TEX15: variants seen among roughly 807,000 people sequenced by gnomAD.
The protein encoded by TEX15 is testis-expressed protein 15.
A neutral mutation model predicts 237.3 loss-of-function variants in TEX15; 171 were observed. That is an observed-to-expected ratio of 0.72 (90% CI 0.64 to 0.82). The LOEUF (loss-of-function observed/expected upper bound fraction) is 0.82, where lower values mean the gene tolerates loss of function less well. Ranked by LOEUF, TEX15 falls within the 40% of genes least tolerant of loss-of-function variation. The pLI, the probability that TEX15 is intolerant of heterozygous loss-of-function variation, is 0.00. For missense variants in TEX15, 3,750 were observed against 3,646.5 expected (o/e 1.03, Z -0.73); for synonymous variants, 1,338 against 1,269.8 (o/e 1.05, Z -1.14).
rs1410546180 is a variant in TEX15 at position 30,845,823 on chromosome 8, T to G, written c.4344A>C (p.Ser1448=). ...TTCTCCGTTTGTCATATTTTCTTTTTGACGAAAAATGCTTAGTAGAATAAT... is the reference window on the plus strand; with the variant it reads ...TTCTCCGTTTGTCATATTTTCTTTTGGACGAAAAATGCTTAGTAGAATAAT... ...RKYYSTKHFS[S]KRKYDKRRKK... The change falls in exon 8 of 11, where the codon TCA becomes TCC. Residue 1448 remains serine (S), a synonymous_variant. Transcript: ENST00000643185. 1 of 1,607,640 alleles carries G rather than the reference T, an allele frequency of 6.2e-7. No homozygotes were observed. Among genetic ancestry groups the G allele is most frequent in the African/African-American group, 1.3e-5 (1 of 74,338 alleles).
At chr8:30,858,915 G>T in intron 6 of TEX15, 85 bp from the exon 7 acceptor site, 3 of 936,228 alleles carry the variant, frequency 3.2e-6, no homozygotes, top group Non-Finnish European at 3.0e-6. Flanking sequence ...CAATATAATT[G>T]CATATTATTT....
At chr8:30,852,103 T>C (rs999501947) in intron 7 of TEX15, among the ~76,000 whole-genome samples, 2 of 106,402 alleles carry the variant, frequency 1.9e-5, no homozygotes, top group South Asian at 7.3e-4. Context: ...ATTTAATCTT[T>C]TTTTTTTTTT....
In TEX15 at chr8:30,848,041, A is replaced by G; in HGVS notation, c.2126T>C (p.Leu709Ser). 5.6e-6 allele frequency: 9 copies of G among 1,613,952 alleles called. No individual in the cohort carries two copies. Among genetic ancestry groups the G allele is most frequent in the Non-Finnish European group, 7.6e-6 (9 of 1,179,962 alleles). Residue 709 changes from leucine to serine, a missense_variant, in exon 8 of 11, where the codon TTG (leucine) becomes TCG (serine). By Grantham distance (145) the Leu-to-Ser change is moderately radical. Transcript: ENST00000643185. ...AAAACTTGGAGTAATTTGCCATTCC[A>G]ATGCTAGATGATCTAGTTCATCCTT... ...KDKDELDHLA[L>S]EWQITPSFES...
At position 30,846,377 on chromosome 8, in the gene TEX15, C is replaced by A; in HGVS notation, c.3790G>T (p.Glu1264Ter). 6.2e-7 allele frequency: 1 copy of A among 1,613,320 alleles called. No individual in the cohort carries two copies. The highest frequency in any genetic ancestry group is 8.5e-7 in the Non-Finnish European group (1 of 1,179,686). ...TCTATTGTTGTGACATTAGAAGGTT[C>A]AGTAAACAAAGATTCACTGTTCTGA... ...ENQNSESLFTEPSNVTTIDDG... is the reference protein window; with the variant it reads ...ENQNSESLFT Residue 1264 changes from glutamate (E) to a stop codon, truncating the protein, a stop_gained, in exon 8 of 11, where the codon GAA (glutamate) becomes TAA (stop). Transcript: ENST00000643185. LOFTEE classifies it high-confidence loss of function.
chr8:30,880,730 T>C (rs73570250), intron 3 of TEX15, among the ~76,000 whole-genome samples: 43 of 151,958 alleles, frequency 2.8e-4, no homozygotes, highest in African/African-American at 8.9e-4. Flanking sequence ...CAGTAGGCTA[T>C]TTGTGTTAAA....
chr8:30,909,794 G>A (rs1809181710), intron 1 of TEX15, among the ~76,000 whole-genome samples: 1 of 152,060 alleles, frequency 6.6e-6, no homozygotes, highest in Admixed American at 6.5e-5. Context: ...GTTCCTCTTT[G>A]ATAAAGATAA....
chr8:30,836,238 C>T (rs112473256), intron 10 of TEX15, among the ~76,000 whole-genome samples: 896 of 59,436 alleles, frequency 0.015, 31 homozygotes, highest in African/African-American at 0.055. Flanking sequence ...TTTTTGAGGT[C>T]GAGTCTCGTT....
chr8:30,861,095 ACATG>A (rs377331499), intron 5 of TEX15, among the ~76,000 whole-genome samples: 140 of 152,278 alleles, frequency 9.2e-4, no homozygotes, highest in African/African-American at 3.3e-3. Context: ...GTAAGCTCCA[ACATG>A]TATTAAAAAT....
At chr8:30,875,140 T>C (rs941051096) in intron 3 of TEX15, 38 bp from the exon 4 acceptor site, 11 of 1,196,588 alleles carry the variant, frequency 9.2e-6, no homozygotes, top group Non-Finnish European at 1.0e-5. Flanking sequence ...GTATTTAAAA[T>C]GACATTATTG....
rs1563233784 is a variant in TEX15, at chr8:30,843,605, C to G, written c.6562G>C (p.Asp2188His). The change falls in exon 8 of 11, where the codon GAT becomes CAT. Residue 2188 changes from aspartate to histidine, a missense_variant. Asp to His is a moderately conservative substitution (Grantham distance 81). Transcript: ENST00000643185. ...GTAAATGGAACAGAAAGAGAAAAAT[C>G]AAAGCAATCGGAACAATGCTCCATT... ...AIMEHCSDCF[D>H]FSLSVPFTCG... The G allele has an allele frequency of 1.2e-6, 2 of 1,612,854 alleles. No individual in the cohort carries two copies. Among genetic ancestry groups the G allele is most frequent in the Non-Finnish European group, 1.7e-6 (2 of 1,179,688 alleles).
intron 1 of TEX15, among the ~76,000 whole-genome samples, chr8:30,911,365 T>C (rs1809215341): frequency 6.6e-6 from 1 of 152,192 alleles, no homozygotes; most frequent in South Asian, 2.1e-4. Context: ...TTGCCCAGGC[T>C]GGTTTCGAAC....
chr8:30,850,608 T>C (rs1381604731), intron 7 of TEX15, among the ~76,000 whole-genome samples: 3 of 152,146 alleles, frequency 2.0e-5, no homozygotes, highest in African/African-American at 2.4e-5. Context: ...TGAAGAGATG[T>C]AGTTCTTTAG....
rs142102250 is a variant in TEX15 at position 30,879,479 on chromosome 8, T to A, written c.137-4377A>T. 2.6e-4 allele frequency among the ~76,000 whole-genome samples: 40 copies of A among 152,356 alleles called. 1 individual carries two copies. The East Asian group carries it at 7.7e-3, about 29-fold the overall frequency. ...CATGAGGTTAGGGTGAAGTTCATTT[T>A]TTTGGTCTCTGGATGTCCAATTGCT... is the stretch of plus-strand genomic sequence containing the variant. On this transcript the variant is annotated intron_variant, in intron 3 of 10. Coordinates refer to ENST00000643185, the MANE Select transcript of TEX15 (RefSeq NM_001350162.2).
Position 30,837,421 on chromosome 8 carries a change from G to A in TEX15, c.8863C>T (p.Gln2955Ter), listed in dbSNP as rs1807331359. 6.2e-7 allele frequency: 1 copy of A among 1,614,152 alleles called. No individual in the cohort carries two copies. Among genetic ancestry groups the A allele is most frequent in the Non-Finnish European group, 8.5e-7 (1 of 1,180,004 alleles). Reference protein sequence around the residue: ...KIPTLQINKLQPTETESEDKY... With the variant: ...KIPTLQINKL ...TCCTCTGACTCAGTTTCTGTAGGCT[G>A]TAGTTTGTTTATCTGCAGAGTAGGA... The change falls in exon 10 of 11, where the codon CAG becomes TAG. Residue 2955 changes from glutamine to a stop codon, truncating the protein, a stop_gained. Transcript: ENST00000643185. LOFTEE classifies it high-confidence loss of function.
chr8:30,845,954 CTACTT>C lies in TEX15; in HGVS notation c.4208_4212del (p.Lys1403ArgfsTer18), dbSNP rs1807593908. 3 of 1,612,850 alleles carry C rather than the reference CTACTT, an allele frequency of 1.9e-6. No individual in the cohort carries two copies. The East Asian group carries it at 6.7e-5, about 36-fold the overall frequency. On this transcript the variant is annotated frameshift_variant, in exon 8 of 11. Coordinates refer to ENST00000643185, the MANE Select transcript of TEX15 (RefSeq NM_001350162.2). LOFTEE classifies it high-confidence loss of function. Reference sequence around the variant, plus strand: ...GGTAATGGGCCCTTTCTTTCTTCTCCTACTTTAGTTATAAGCTGCAAAGATGTGTG... The same window carrying C: ...GGTAATGGGCCCTTTCTTTCTTCTCCTAGTTATAAGCTGCAAAGATGTGTG...
At chr8:30,884,980 T>C (rs955932947) in intron 3 of TEX15, among the ~76,000 whole-genome samples, 4 of 152,238 alleles carry the variant, frequency 2.6e-5, no homozygotes, top group Admixed American at 2.6e-4. Flanking sequence ...AATTTCTTTC[T>C]AAGTACTGCT....
chr8:30,889,852 A>G (rs1808745676), intron 2 of TEX15, among the ~76,000 whole-genome samples: 2 of 150,244 alleles, frequency 1.3e-5, no homozygotes, highest in Admixed American at 6.7e-5. Context: ...TATAACCTTT[A>G]TATTTATATG....
In TEX15 at chr8:30,848,977, A is replaced by G; in HGVS notation, c.1190T>C (p.Leu397Ser). The G allele has an allele frequency of 6.2e-7, 1 of 1,614,182 alleles. No homozygotes were observed. Among genetic ancestry groups the G allele is most frequent in the Non-Finnish European group, 8.5e-7 (1 of 1,180,030 alleles). The change falls in exon 8 of 11, where the codon TTG (leucine) becomes TCG (serine). Residue 397 changes from leucine to serine, a missense_variant. Transcript: ENST00000643185. ...ATTTTTAAGACTTGTCCAATTTAAC[A>G]AAAGGTCACCATTAACACTGTCTTT... is the stretch of plus-strand genomic sequence containing the variant. ...DAKDSVNGDL[L>S]LNWTSLKNIL...
In TEX15 at chr8:30,836,981, C is replaced by T. The variant is rs142941425; in HGVS notation, c.9303G>A (p.Ala3101=). Residue 3101 remains alanine, a synonymous_variant, in exon 10 of 11, where the codon GCG becomes GCA. Transcript: ENST00000643185. The part of the protein sequence containing the change: ...LLYSQYFTYF[A]GEPQANGFVP... ...CAAAGCCATTTGCTTGTGGCTCCCC[C>T]GCAAAATAAGTAAAATATTGAGAGT... 205 of 1,613,952 alleles carry T rather than the reference C, an allele frequency of 1.3e-4. 1 individual carries two copies. The highest frequency in any genetic ancestry group is 1.5e-4 in the Non-Finnish European group (179 of 1,180,034).
Sources: allele counts gnomAD v4.1 joint callset (sites outside exome capture counted in the v4.1 genomes callset), GRCh38; gene constraint gnomAD v4.1.1; transcripts MANE v1.5; gene names NCBI Gene and HGNC (gene_info 2026-07-23, HGNC 2026-07-21).